PTPN18: variants seen among roughly 807,000 people sequenced by gnomAD.
PTPN18 encodes the protein tyrosine-protein phosphatase non-receptor type 18.
In PTPN18, 65 loss-of-function variants were observed where a neutral mutation model predicts 65.4. The observed-to-expected ratio is 0.99, with a 90% CI of 0.81 to 1.22. PTPN18 has a LOEUF of 1.22. PTPN18 is among the 50% of genes most tolerant of loss of function. PTPN18 has a pLI of 0.00. For missense variants in PTPN18, 616 were observed against 646.5 expected (o/e 0.95, Z 0.51); for synonymous variants, 255 against 267.8 (o/e 0.95, Z 0.47).
intron 5 of PTPN18, among the ~76,000 whole-genome samples, chr2:130,364,672 T>G (rs147310902): frequency 0.027 from 4,103 of 152,272 alleles, 191 homozygotes; most frequent in African/African-American, 0.095. Flanking sequence ...GGCAGCCGCC[T>G]GTAGTCCCAG....
intron 1 of PTPN18, 31 bp downstream of exon 1, chr2:130,356,231 C>T (rs1441161767): frequency 1.6e-6 from 2 of 1,288,100 alleles, no homozygotes; most frequent in East Asian, 3.2e-5. Flanking sequence ...GCGAGCGGCG[C>T]GCCCCGGCCC....
intron 5 of PTPN18, among the ~76,000 whole-genome samples, chr2:130,364,256 C>G (rs1003243215): frequency 2.0e-5 from 3 of 152,144 alleles, no homozygotes; most frequent in African/African-American, 7.2e-5. Context: ...CCTCTATTCT[C>G]CTTTCTGTCC....
At position 130,358,993 on chromosome 2, in the gene PTPN18, T is replaced by C. The variant is rs778147383; in HGVS notation, c.202+18T>C. 9 of 1,612,534 alleles carry C rather than the reference T, an allele frequency of 5.6e-6. No individual in the cohort carries two copies. Among genetic ancestry groups the C allele is most frequent in the Non-Finnish European group, 6.8e-6 (8 of 1,178,796 alleles). ...GCTGCCTTGTAAGTCGGGGCTTCCG[T>C]AGGGAGTCGGTGCAGCCTTGCACGC... On this transcript the variant is annotated intron_variant, in intron 2 of 14. Transcript: ENST00000175756.
rs972914408 is a variant in PTPN18 at position 130,372,366 on chromosome 2, G to A, written c.1123G>A (p.Gly375Arg). The A allele has an allele frequency of 2.2e-6, 3 of 1,363,778 alleles. No individual in the cohort carries two copies. Among genetic ancestry groups the A allele is most frequent in the South Asian group, 3.4e-5 (2 of 59,084 alleles). 84.5% of individuals were successfully genotyped at this position (1,363,778 alleles called of 1,614,324 possible). Residue 375 changes from glycine (G) to arginine (R), a missense_variant, in exon 13 of 15, where the codon GGG (glycine) becomes AGG (arginine). This residue lies in a region of PTPN18 where 368 missense variants were observed against 386.7 expected (regional missense o/e 0.95). Coordinates refer to ENST00000175756, the MANE Select transcript of PTPN18 (RefSeq NM_014369.4). ...CGGGAGTGGGACGCAGACGGGGACGGGGACGGGGACGGGGGCGCGCAGCGC... is the reference window on the plus strand; with the variant it reads ...CGGGAGTGGGACGCAGACGGGGACGAGGACGGGGACGGGGGCGCGCAGCGC... ...GAGSGTQTGT[G>R]TGTGARSAEE...
At chr2:130,371,075 AT>A in intron 11 of PTPN18, 111 bp downstream of exon 11, 1 of 1,372,854 alleles carries the variant, frequency 7.3e-7, no homozygotes, top group Non-Finnish European at 1.0e-6. Context: ...TGACTATGAC[AT>A]CCACCTGTGC....
intron 5 of PTPN18, among the ~76,000 whole-genome samples, chr2:130,367,664 G>C (rs1680429188): frequency 6.6e-6 from 1 of 152,006 alleles, no homozygotes; most frequent in African/African-American, 2.4e-5. Context: ...GACAGAGCAA[G>C]GGTCTCAAAA....
chr2:130,370,260 A>T, intron 8 of PTPN18, 70 bp downstream of exon 8: 1 of 1,589,778 alleles, frequency 6.3e-7, no homozygotes, highest in Non-Finnish European at 8.5e-7. Context: ...AGTACAGGGC[A>T]TGGGGCTAGT....
chr2:130,361,436 CTCTT>C (rs1680186506), intron 5 of PTPN18, among the ~76,000 whole-genome samples: 1 of 152,010 alleles, frequency 6.6e-6, no homozygotes, highest in Admixed American at 6.5e-5. Flanking sequence ...TATGTAATGA[CTCTT>C]TATTTGTTAA....
Position 130,374,412 on chromosome 2 carries a change from C to T in PTPN18, c.*1188C>T, listed in dbSNP as rs1680674362. ...TGAACTCCCAACCTCAAGCAATCCT[C>T]CTGCCTCAGCCTCCCAAAGTGCTGA... On this transcript the variant is annotated 3_prime_UTR_variant, in exon 15 of 15. Coordinates refer to ENST00000175756, the MANE Select transcript of PTPN18 (RefSeq NM_014369.4). 1.3e-5 allele frequency: 4 copies of T among 297,040 alleles called. No individual in the cohort carries two copies. Among genetic ancestry groups the T allele is most frequent in the South Asian group, 1.2e-4 (4 of 32,758 alleles). The allele number at this position is 297,040 out of a possible 1,614,324, so 18.4% of individuals were successfully genotyped here.
intron 5 of PTPN18, 63 bp from the exon 6 acceptor site, chr2:130,369,070 G>T: frequency 7.0e-7 from 1 of 1,432,690 alleles, no homozygotes; most frequent in South Asian, 1.2e-5. Flanking sequence ...TGGCATGATT[G>T]AGCTAGCTCT....
At chr2:130,361,917 T>C (rs1036669463) in intron 5 of PTPN18, among the ~76,000 whole-genome samples, 6 of 152,000 alleles carry the variant, frequency 3.9e-5, no homozygotes, top group African/African-American at 1.2e-4. Flanking sequence ...GCATATGTCT[T>C]TTCCCATTCT....
In PTPN18 at chr2:130,364,821, A is replaced by C. The variant is rs1220196777; in HGVS notation, c.415-4312A>C. ...AAAACAACAACAACAACAACAACAA[A>C]AAATTGGTATACTAGTATCTGTTTG... On this transcript the variant is annotated intron_variant, in intron 5 of 14. Transcript: ENST00000175756. Among the ~76,000 whole-genome samples the C allele has an allele frequency of 7.2e-5, 11 of 152,158 alleles. No homozygotes were observed. In the South Asian group the frequency reaches 1.7e-3, roughly 23 times the overall value.
At position 130,359,286 on chromosome 2, in the gene PTPN18, T is replaced by C. The variant is rs1266924664; in HGVS notation, c.256T>C (p.Tyr86His). The C allele has an allele frequency of 2.5e-6, 4 of 1,614,172 alleles. 1 individual carries two copies. In the South Asian group the frequency reaches 3.3e-5, roughly 13 times the overall value. The change falls in exon 3 of 15, where the codon TAC becomes CAC. Residue 86 changes from tyrosine to histidine, a missense_variant. By Grantham distance (83) the Tyr-to-His change is moderately conservative (BLOSUM62 2). This residue lies in a region of PTPN18 where 223 missense variants were observed against 210.0 expected (regional missense o/e 1.06). Transcript: ENST00000175756. ...GCTCCAGGAAGAGGGACACAGCGAC[T>C]ACATTAATGGCAACTTCATCCGGGT... ...SLLQEEGHSD[Y>H]INGNFIRGVD...
At chr2:130,356,562 GC>G (rs1321307281) in intron 1 of PTPN18, 1 of 492,890 alleles carries the variant, frequency 2.0e-6, no homozygotes, top group East Asian at 6.1e-5. Context: ...CCCCGGCCCC[GC>G]CGCTTCTGGC....
intron 5 of PTPN18, chr2:130,362,228 C>T (rs942962728): frequency 1.1e-4 from 51 of 462,954 alleles, no homozygotes; most frequent in Admixed American, 6.6e-4. Flanking sequence ...CCTCGGCCTC[C>T]CAAAGTGCTA....
intron 1 of PTPN18, among the ~76,000 whole-genome samples, chr2:130,358,657 C>A (rs1306572068): frequency 6.6e-6 from 1 of 152,102 alleles, no homozygotes; most frequent in Non-Finnish European, 1.5e-5. Context: ...GATTACATGC[C>A]CTTAGCACAG....
Position 130,372,732 on chromosome 2 carries a change from C to T in PTPN18, c.1241-141C>T. The T allele has an allele frequency of 4.6e-6, 5 of 1,085,172 alleles. No homozygotes were observed. In the South Asian group the frequency reaches 5.8e-5, roughly 13 times the overall value. 67.2% of individuals were successfully genotyped at this position (1,085,172 alleles called of 1,614,324 possible). ...GGCCGCGCCCAAAGGCTGGAGGCCA[C>T]GTCCGGGGTGTGTGCCTTCTCCCGC... On this transcript the variant is annotated intron_variant, in intron 13 of 14. Transcript: ENST00000175756.
chr2:130,364,689 G>A (rs914303696), intron 5 of PTPN18, among the ~76,000 whole-genome samples: 2 of 152,162 alleles, frequency 1.3e-5, no homozygotes, highest in Admixed American at 6.5e-5. Flanking sequence ...CCAGCTACTC[G>A]GGAGGCTGAG....
chr2:130,370,480 A>G (rs1284287019), intron 8 of PTPN18, 77 bp from the exon 9 acceptor site: 3 of 1,531,684 alleles, frequency 2.0e-6, no homozygotes, highest in Admixed American at 3.3e-5. Context: ...CAGGACCCTC[A>G]CCCCCATCCC....
Sources: gnomAD v4.1 joint callset for allele counts (sites outside exome capture counted in the v4.1 genomes callset) on GRCh38, gnomAD v4.1.1 for gene constraint, gnomAD v4.1.1 regional missense constraint, MANE v1.5 for transcripts, NCBI Gene and HGNC (gene_info 2026-07-23, HGNC 2026-07-21) for gene names.